The following NT5C1B variants were observed in gnomAD, a reference collection of about 807,000 sequenced individuals.
The protein encoded by NT5C1B is 5'-nucleotidase, cytosolic IB, also known as cytosolic 5'-nucleotidase 1B.
NT5C1B carries 44 observed loss-of-function variants against 57.8 expected under a neutral mutation model. That is an observed-to-expected ratio of 0.76 (90% CI 0.60 to 0.98). NT5C1B has a LOEUF of 0.98. Ranked by LOEUF, NT5C1B falls within the 50% of genes least tolerant of loss-of-function variation. The pLI, the probability that NT5C1B is intolerant of heterozygous loss-of-function variation, is 0.00. For missense variants in NT5C1B, 742 were observed against 719.5 expected (o/e 1.03, Z -0.36); for synonymous variants, 284 against 282.6 (o/e 1.00, Z -0.05).
chr2:18,566,012 T>G (rs558956564), intron 8 of NT5C1B, among the ~76,000 whole-genome samples: 17 of 152,222 alleles, frequency 1.1e-4, no homozygotes, highest in Non-Finnish European at 2.5e-4. Flanking sequence ...TTATCATGTC[T>G]TCCTTGACTA....
exon 9 of NT5C1B, chr2:18,563,886 G>A: frequency 6.2e-7 from 1 of 1,614,124 alleles, no homozygotes; most frequent in Non-Finnish European, 8.5e-7. Flanking sequence ...CATCAAAGAA[G>A]ATGTGGGGCC....
intron 8 of NT5C1B, among the ~76,000 whole-genome samples, chr2:18,569,867 G>A (rs7557821): frequency 0.19 from 29,509 of 151,972 alleles, 5,853 homozygotes; most frequent in African/African-American, 0.51. Flanking sequence ...TACATAATCT[G>A]ATTGACATTT....
intron 2 of NT5C1B, chr2:18,587,103 C>T (rs1273272628): frequency 8.7e-6 from 14 of 1,613,828 alleles, no homozygotes; most frequent in East Asian, 6.7e-5. Flanking sequence ...ACAAAGGCAG[C>T]GTCTACACGA....
intron 8 of NT5C1B, among the ~76,000 whole-genome samples, chr2:18,575,396 C>T (rs1297843372): frequency 1.3e-5 from 2 of 152,012 alleles, no homozygotes; most frequent in Non-Finnish European, 2.9e-5. Context: ...TTAGTCTATT[C>T]ATACTTTTAT....
At chr2:18,588,707 A>G (rs1666943934) in intron 1 of NT5C1B, among the ~76,000 whole-genome samples, 1 of 152,118 alleles carries the variant, frequency 6.6e-6, no homozygotes, top group Non-Finnish European at 1.5e-5. Context: ...AACAGGTTTC[A>G]TGGCCTTAAA....
At chr2:18,563,638 G>T in exon 9 of NT5C1B, 1 of 706,546 alleles carries the variant, frequency 1.4e-6, no homozygotes, top group Non-Finnish European at 2.2e-6. Flanking sequence ...TAACTTGAGG[G>T]TTCAAAAGGT....
rs1377555339 is a variant in NT5C1B at position 18,582,975 on chromosome 2, C to T, written c.914G>A (p.Arg305Lys). 3.1e-6 allele frequency: 5 copies of T among 1,613,730 alleles called. No homozygotes were observed. The African/African-American group carries it at 5.3e-5, about 17-fold the overall frequency. ...TTCATCAGGATATAGATCACGGAGTCTAGCATTGACATACTGTAGTGCCTG... is the reference window on the plus strand; with the variant it reads ...TTCATCAGGATATAGATCACGGAGTTTAGCATTGACATACTGTAGTGCCTG... Residue 305 changes from arginine to lysine, a missense_variant, in exon 6 of 9, where the codon AGA becomes AAA. Arg to Lys is a conservative substitution (Grantham distance 26, BLOSUM62 2). Transcript: ENST00000304081.
chr2:18,571,608 A>G (rs1665161948), intron 8 of NT5C1B, among the ~76,000 whole-genome samples: 1 of 151,010 alleles, frequency 6.6e-6, no homozygotes, highest in Admixed American at 6.6e-5. Flanking sequence ...AATAAAATAA[A>G]AATAAAAAAT....
intron 6 of NT5C1B, among the ~76,000 whole-genome samples, chr2:18,577,840 A>C (rs1665843195): frequency 6.6e-6 from 1 of 152,172 alleles, no homozygotes; most frequent in African/African-American, 2.4e-5. Context: ...TTGAAAGAAC[A>C]AATAAGATTG....
At chr2:18,577,340 C>CT (rs774572985) in intron 6 of NT5C1B, among the ~76,000 whole-genome samples, 32 of 145,118 alleles carry the variant, frequency 2.2e-4, no homozygotes, top group Non-Finnish European at 4.3e-4. Context: ...AGCCTCCTCA[C>CT]TAACTGTAAA....
At chr2:18,586,612 A>G in intron 2 of NT5C1B, 1 of 719,302 alleles carries the variant, frequency 1.4e-6, no homozygotes, top group South Asian at 2.2e-5. Context: ...TCCACTTGAA[A>G]GAGCATCCAA....
chr2:18,575,595 C>T lies in NT5C1B; in HGVS notation c.1329+589G>A, dbSNP rs59487359. ...AAAAGTTATAGGTTCTGTTCATTTTCGACCTTGATTTTAACACTTCAGTTC... is the reference window on the plus strand; with the variant it reads ...AAAAGTTATAGGTTCTGTTCATTTTTGACCTTGATTTTAACACTTCAGTTC... On this transcript the variant is annotated intron_variant, in intron 8 of 8. Coordinates refer to ENST00000304081, the Ensembl canonical transcript of NT5C1B. Among the ~76,000 whole-genome samples the T allele has an allele frequency of 7.7e-3, 1,169 of 152,168 alleles. 16 individuals are homozygous for T. The highest frequency in any genetic ancestry group is 0.026 in the African/African-American group (1,080 of 41,532).
intron 7 of NT5C1B, 107 bp downstream of exon 7, chr2:18,576,666 G>A: frequency 6.6e-7 from 1 of 1,524,448 alleles, no homozygotes; most frequent in Non-Finnish European, 8.8e-7. Context: ...AACTTCAGAA[G>A]AATATCCAAC....
At chr2:18,568,186 CAG>C (rs1664826650) in intron 8 of NT5C1B, among the ~76,000 whole-genome samples, 1 of 151,528 alleles carries the variant, frequency 6.6e-6, no homozygotes, top group African/African-American at 2.4e-5. Flanking sequence ...CAGACAAAAA[CAG>C]ACACATTACA....
intron 8 of NT5C1B, among the ~76,000 whole-genome samples, chr2:18,573,848 C>T (rs560575375): frequency 3.3e-5 from 5 of 152,164 alleles, no homozygotes; most frequent in Non-Finnish European, 1.5e-5. Context: ...GGCAGAAGTA[C>T]TGCATAATAA....
At chr2:18,579,338 A>C (rs7594519) in intron 6 of NT5C1B, among the ~76,000 whole-genome samples, 29,571 of 152,132 alleles carry the variant, frequency 0.19, 5,865 homozygotes, top group African/African-American at 0.51. Context: ...CCAAAGCAAA[A>C]CTTAGCAAAA....
intron 8 of NT5C1B, among the ~76,000 whole-genome samples, chr2:18,573,099 A>G (rs1665357646): frequency 6.6e-6 from 1 of 152,224 alleles, no homozygotes; most frequent in Non-Finnish European, 1.5e-5. Flanking sequence ...TCCACAGAAT[A>G]GAATACTACT....
chr2:18,587,268 G>A, intron 2 of NT5C1B: 6 of 1,499,398 alleles, frequency 4.0e-6, no homozygotes, highest in Non-Finnish European at 5.3e-6. Context: ...TGTAGGCTGA[G>A]CAGAGGAGCC....
At chr2:18,582,764 T>TA (rs1666291770) in intron 6 of NT5C1B, 104 bp downstream of exon 6, 1 of 1,487,842 alleles carries the variant, frequency 6.7e-7, no homozygotes, top group African/African-American at 1.4e-5. Flanking sequence ...GGGGTGTCAG[T>TA]ATCAAAGACA....
Sources: allele counts gnomAD v4.1 joint callset (sites outside exome capture counted in the v4.1 genomes callset), GRCh38; gene constraint gnomAD v4.1.1; transcripts MANE v1.5; gene names NCBI Gene and HGNC (gene_info 2026-07-23, HGNC 2026-07-21).